The following ITCH variants were observed in gnomAD, a reference collection of about 807,000 sequenced individuals.
The protein encoded by ITCH is E3 ubiquitin-protein ligase Itchy homolog.
In ITCH, 28 loss-of-function variants were observed where a neutral mutation model predicts 126.8. That is an observed-to-expected ratio of 0.22 (90% CI 0.16 to 0.30). The LOEUF is 0.30. ITCH is among the 10% of genes least tolerant of loss of function. The probability of loss-of-function intolerance (pLI) is 1.00; values close to 1 mark genes in which losing one functional copy is unlikely to be tolerated. For missense variants in ITCH, 631 were observed against 1,032.4 expected (o/e 0.61, Z 5.33); for synonymous variants, 342 against 340.0 (o/e 1.01, Z -0.06).
intron 11 of ITCH, among the ~76,000 whole-genome samples, chr20:34,447,806 A>T (rs753622552): frequency 5.3e-5 from 8 of 152,172 alleles, no homozygotes; most frequent in African/African-American, 1.2e-4. Context: ...AAGAGTTATT[A>T]TATCAGTAGT....
intron 16 of ITCH, chr20:34,475,907 T>A: frequency 9.1e-7 from 1 of 1,096,536 alleles, no homozygotes; most frequent in Non-Finnish European, 1.4e-6. Context: ...CATGAAAATA[T>A]TCCTATTTGT....
At chr20:34,392,669 G>C (rs1395819586) in intron 2 of ITCH, among the ~76,000 whole-genome samples, 2 of 152,214 alleles carry the variant, frequency 1.3e-5, no homozygotes. Flanking sequence ...CTGGCAAACA[G>C]TAAGTGCCAA....
intron 5 of ITCH, among the ~76,000 whole-genome samples, chr20:34,413,259 T>C (rs1348565469): frequency 1.3e-5 from 2 of 152,226 alleles, no homozygotes; most frequent in African/African-American, 2.4e-5. Flanking sequence ...ATTTATATAA[T>C]GTAGAAATAT....
rs141565393 is a variant in ITCH at position 34,435,469 on chromosome 20, G to A, written c.522-3005G>A. 3.3e-3 allele frequency among the ~76,000 whole-genome samples: 506 copies of A among 152,078 alleles called. 4 individuals are homozygous for A. Among genetic ancestry groups the A allele is most frequent in the Middle Eastern group, 0.017 (5 of 294 alleles). Reference sequence around the variant, plus strand: ...CAGGCGTGAGCCACTGCAGCCGGCCGATTTCTTCTTTTTAATAAGAGGGGA... The same window carrying A: ...CAGGCGTGAGCCACTGCAGCCGGCCAATTTCTTCTTTTTAATAAGAGGGGA... On this transcript the variant is annotated intron_variant, in intron 7 of 24. Coordinates refer to ENST00000374864, the MANE Select transcript of ITCH (RefSeq NM_031483.7).
At chr20:34,397,441 G>A (rs537037418) in intron 3 of ITCH, among the ~76,000 whole-genome samples, 71 of 152,210 alleles carry the variant, frequency 4.7e-4, no homozygotes, top group African/African-American at 1.1e-3. Flanking sequence ...TAATTTGATA[G>A]CATTTATTGA....
rs770045595 is a variant in ITCH at position 34,477,787 on chromosome 20, C to T, written c.1585C>T (p.Pro529Ser). 7 of 1,613,518 alleles carry T rather than the reference C, an allele frequency of 4.3e-6. No individual in the cohort carries two copies. The South Asian group carries it at 7.7e-5, about 18-fold the overall frequency. The stretch of plus-strand genomic sequence containing the variant: ...TTTTTTTTAGATAATGAGCTTCAGT[C>T]CCCAAGATCTGCGAAGACGTTTGTG... ...DSFQQIMSFSPQDLRRRLWVI... is the reference protein window; with the variant it reads ...DSFQQIMSFSSQDLRRRLWVI... Residue 529 changes from proline to serine, a missense_variant, in exon 17 of 25, where the codon CCC becomes TCC. Physicochemically the swap from Pro to Ser is moderately conservative, Grantham distance 74. Coordinates refer to ENST00000374864, the MANE Select transcript of ITCH (RefSeq NM_031483.7).
At chr20:34,495,542 A>G (rs1182824319) in intron 23 of ITCH, among the ~76,000 whole-genome samples, 1 of 151,940 alleles carries the variant, frequency 6.6e-6, no homozygotes, top group African/African-American at 2.4e-5. Context: ...TGTAGTATTT[A>G]TCTTTTTGTG....
At chr20:34,412,388 T>C (rs577067745) in intron 4 of ITCH, 127 bp from the exon 5 acceptor site, 2 of 679,724 alleles carry the variant, frequency 2.9e-6, no homozygotes, top group Admixed American at 2.5e-5. Flanking sequence ...CCAATATTGA[T>C]TGTATAGTAA....
intron 14 of ITCH, among the ~76,000 whole-genome samples, chr20:34,468,034 CTTTTTT>C (rs35748150): frequency 8.2e-6 from 1 of 121,544 alleles, no homozygotes; most frequent in Admixed American, 8.4e-5. Flanking sequence ...ACCTTGGAAA[CTTTTTT>C]TTTTTTTTTT....
intron 6 of ITCH, among the ~76,000 whole-genome samples, chr20:34,422,992 G>A (rs1316791732): frequency 6.6e-6 from 1 of 151,928 alleles, no homozygotes; most frequent in Non-Finnish European, 1.5e-5. Flanking sequence ...ATGAAGTTTC[G>A]CCATGTTGGC....
chr20:34,465,000 G>A (rs1008254038), intron 14 of ITCH, among the ~76,000 whole-genome samples: 2 of 152,094 alleles, frequency 1.3e-5, no homozygotes, highest in African/African-American at 2.4e-5. Context: ...ATGAGCCACC[G>A]CGCCTGGCCT....
At chr20:34,497,092 G>A (rs1000001160) in intron 23 of ITCH, among the ~76,000 whole-genome samples, 3 of 151,852 alleles carry the variant, frequency 2.0e-5, no homozygotes, top group African/African-American at 7.3e-5. Context: ...CGCCTCCCAG[G>A]ATCAAGCAAT....
At chr20:34,408,857 A>G (rs1978531889) in intron 4 of ITCH, 65 bp downstream of exon 4, 1 of 1,537,986 alleles carries the variant, frequency 6.5e-7, no homozygotes, top group Non-Finnish European at 8.9e-7. Context: ...TACAATTTAA[A>G]AAAATGTTTC....
At chr20:34,412,390 G>A (rs1979163526) in intron 4 of ITCH, 125 bp from the exon 5 acceptor site, 2 of 695,304 alleles carry the variant, frequency 2.9e-6, no homozygotes, top group African/African-American at 3.6e-5. Flanking sequence ...AATATTGATT[G>A]TATAGTAAAC....
At chr20:34,410,441 C>T (rs1030069350) in intron 4 of ITCH, among the ~76,000 whole-genome samples, 1 of 151,000 alleles carries the variant, frequency 6.6e-6, no homozygotes, top group Non-Finnish European at 1.5e-5. Flanking sequence ...TTCGGATGTT[C>T]CTCATCTGTG....
At chr20:34,396,326 A>G (rs1424185403) in intron 3 of ITCH, among the ~76,000 whole-genome samples, 4 of 151,508 alleles carry the variant, frequency 2.6e-5, no homozygotes, top group Non-Finnish European at 5.9e-5. Context: ...GAGCCACTGC[A>G]CGGGCCCAAA....
At chr20:34,423,087 G>T (rs1038730091) in intron 6 of ITCH, among the ~76,000 whole-genome samples, 4 of 152,032 alleles carry the variant, frequency 2.6e-5, no homozygotes, top group African/African-American at 9.7e-5. Context: ...GAGCCACCAC[G>T]CCCGGCCTCT....
At chr20:34,495,087 A>G (rs2146528773) in intron 23 of ITCH, among the ~76,000 whole-genome samples, 1 of 131,174 alleles carries the variant, frequency 7.6e-6, no homozygotes, top group African/African-American at 2.9e-5. Flanking sequence ...CCCCTTCTCT[A>G]CGAAAAATAC....
intron 9 of ITCH, among the ~76,000 whole-genome samples, chr20:34,440,569 G>A (rs1983619655): frequency 6.6e-6 from 1 of 151,910 alleles, no homozygotes; most frequent in East Asian, 1.9e-4. Flanking sequence ...TAATTCTCCT[G>A]CCTTAGCCTC....
Sources: allele counts gnomAD v4.1 joint callset (sites outside exome capture counted in the v4.1 genomes callset), GRCh38; gene constraint gnomAD v4.1.1; transcripts MANE v1.5; gene names NCBI Gene and HGNC (gene_info 2026-07-23, HGNC 2026-07-21).